Variants in SLC7A6OS observed in about 807,000 individuals in gnomAD.
SLC7A6OS encodes solute carrier family 7 member 6 opposite strand.
A neutral mutation model predicts 34.3 loss-of-function variants in SLC7A6OS; 22 were observed. That is an observed-to-expected ratio of 0.64 (90% CI 0.46 to 0.92). The LOEUF (loss-of-function observed/expected upper bound fraction) is 0.92, where lower values mean the gene tolerates loss of function less well. Ranked by LOEUF, SLC7A6OS falls within the 40% of genes least tolerant of loss-of-function variation. SLC7A6OS has a pLI of 0.00. For synonymous variants in SLC7A6OS, 199 were observed against 165.0 expected (o/e 1.21, Z -1.58); for missense variants, 434 against 407.7 (o/e 1.06, Z -0.56).
At chr16:68,302,945 TAA>T (rs1310753465) in intron 3 of SLC7A6OS, among the ~76,000 whole-genome samples, 1 of 152,146 alleles carries the variant, frequency 6.6e-6, no homozygotes, top group East Asian at 1.9e-4. Context: ...GGTGCCACCT[TAA>T]GTTTTCTTGT....
At chr16:68,303,930 A>G (rs1459598286) in intron 3 of SLC7A6OS, 96 bp downstream of exon 3, 6 of 1,111,756 alleles carry the variant, frequency 5.4e-6, no homozygotes, top group African/African-American at 1.5e-5. Flanking sequence ...ACTAAGGACA[A>G]TGTTGTTCGG....
chr16:68,307,316 G>A (rs2151241476), intron 2 of SLC7A6OS, among the ~76,000 whole-genome samples: 1 of 152,288 alleles, frequency 6.6e-6, no homozygotes, highest in Middle Eastern at 3.4e-3. Context: ...TAATATCATA[G>A]CTTAGCTTAG....
chr16:68,310,343 AG>A lies in SLC7A6OS; in HGVS notation c.462del (p.Ser155ProfsTer9). ...TTCAGGGGCATACTCACTTTGCAGG[AG>A]CCTGCAGAGGCGGCTTCAGGTTCTC... ...EEGEPEAASA[G>X]SCKTSDPDVI... On this transcript the variant is annotated frameshift_variant, in exon 2 of 5. Transcript: ENST00000263997. LOFTEE classifies it high-confidence loss of function. The A allele has an allele frequency of 6.2e-7, 1 of 1,602,710 alleles. No homozygotes were observed. Among genetic ancestry groups the A allele is most frequent in the Admixed American group, 1.7e-5 (1 of 59,528 alleles).
At chr16:68,302,597 T>A in intron 3 of SLC7A6OS, 96 bp from the exon 4 acceptor site, 1 of 1,484,944 alleles carries the variant, frequency 6.7e-7, no homozygotes, top group Non-Finnish European at 9.3e-7. Context: ...AGATATCATG[T>A]AAAAGTGCCC....
In SLC7A6OS at chr16:68,302,490, A is replaced by G. The variant is rs757067442; in HGVS notation, c.690T>C (p.Asp230=). The change falls in exon 4 of 5, where the codon GAT becomes GAC. Residue 230 remains aspartate, a synonymous_variant. Coordinates refer to ENST00000263997, the MANE Select transcript of SLC7A6OS (RefSeq NM_032178.3). ...CGTCGTAAATGTCCTCTGGTTCTTGATCATCATTCACCTACACATCTCAAC... is the reference window on the plus strand; with the variant it reads ...CGTCGTAAATGTCCTCTGGTTCTTGGTCATCATTCACCTACACATCTCAAC... The part of the protein sequence containing the change: ...YSQEWELVND[D]QEPEDIYDDE... 1.2e-6 allele frequency: 2 copies of G among 1,614,142 alleles called. No individual in the cohort carries two copies. The highest frequency in any genetic ancestry group is 8.5e-7 in the Non-Finnish European group (1 of 1,180,028).
At chr16:68,304,277 A>G (rs1473354175) in intron 2 of SLC7A6OS, 45 bp from the exon 3 acceptor site, 19 of 1,538,708 alleles carry the variant, frequency 1.2e-5, no homozygotes, top group Non-Finnish European at 1.7e-5. Context: ...GACCCAAAAC[A>G]TGATGTTCCA....
At chr16:68,306,038 G>C (rs151057444) in intron 2 of SLC7A6OS, among the ~76,000 whole-genome samples, 14 of 152,220 alleles carry the variant, frequency 9.2e-5, no homozygotes, top group Non-Finnish European at 1.8e-4. Context: ...CTGGGCAACA[G>C]AGCGAGACGC....
Position 68,303,658 on chromosome 16 carries a change from G to A in SLC7A6OS, c.678+368C>T, listed in dbSNP as rs139920166. On this transcript the variant is annotated intron_variant, in intron 3 of 4. Transcript: ENST00000263997. ...CGAGGTTTCTCTACTTCTAAGGTAC[G>A]AATTAAAAAATAGATTTTGTTGTCA... is the stretch of plus-strand genomic sequence containing the variant. 8.3e-5 allele frequency: 15 copies of A among 181,468 alleles called. No homozygotes were observed. In the East Asian group the frequency reaches 2.0e-3, roughly 25 times the overall value. The allele number at this position is 181,468 out of a possible 1,614,324, so 11.2% of individuals were successfully genotyped here.
In SLC7A6OS at chr16:68,301,296, G is replaced by A. The variant is rs747087917; in HGVS notation, c.909C>T (p.Pro303=). The A allele has an allele frequency of 2.5e-6, 4 of 1,614,016 alleles. No homozygotes were observed. Among genetic ancestry groups the A allele is most frequent in the Non-Finnish European group, 3.4e-6 (4 of 1,179,936 alleles). Residue 303 remains proline, a synonymous_variant, in exon 5 of 5, where the codon CCC becomes CCT. Transcript: ENST00000263997. ...ACCATCAGTCTGAATCCAGGTCGTG[G>A]GGGCTGTCATAGCCGAACTCCTTCT... is the stretch of plus-strand genomic sequence containing the variant. ...DVQKEFGYDS[P]HDLDSD is the part of the protein sequence containing the mutation.
At chr16:68,309,653 G>A (rs574703751) in intron 2 of SLC7A6OS, among the ~76,000 whole-genome samples, 102 of 152,304 alleles carry the variant, frequency 6.7e-4, no homozygotes, top group African/African-American at 2.4e-3. Flanking sequence ...GAGAAAACTT[G>A]CATTCTAGAC....
chr16:68,309,338 C>T (rs2043372428), intron 2 of SLC7A6OS, among the ~76,000 whole-genome samples: 1 of 152,062 alleles, frequency 6.6e-6, no homozygotes, highest in African/African-American at 2.4e-5. Context: ...CTGCCTCAGC[C>T]TCCCAAAGCG....
At position 68,301,220 on chromosome 16, in the gene SLC7A6OS, T is replaced by G. The variant is rs1191101764; in HGVS notation, c.*55A>C. 5.0e-5 allele frequency: 80 copies of G among 1,585,142 alleles called. No individual in the cohort carries two copies. Among genetic ancestry groups the G allele is most frequent in the Non-Finnish European group, 6.5e-5 (76 of 1,162,342 alleles). ...AGGATGTCAGCAGGGCAGTTAACTC[T>G]GGACTCAGAGCCCTCAAGGGCATGT... On this transcript the variant is annotated 3_prime_UTR_variant, in exon 5 of 5. Transcript: ENST00000263997.
intron 2 of SLC7A6OS, among the ~76,000 whole-genome samples, chr16:68,306,211 G>A (rs1296565923): frequency 6.6e-6 from 1 of 152,048 alleles, no homozygotes; most frequent in Non-Finnish European, 1.5e-5. Context: ...CCCATAATGA[G>A]CATAAATTAT....
chr16:68,307,061 G>A (rs192377716), intron 2 of SLC7A6OS, among the ~76,000 whole-genome samples: 5 of 152,044 alleles, frequency 3.3e-5, no homozygotes, highest in South Asian at 4.2e-4. Flanking sequence ...ATATATTTTC[G>A]CCCACAATCA....
In SLC7A6OS at chr16:68,298,239, C is replaced by CT. The variant is rs1380291455; in HGVS notation, c.*3035dup. 5.2e-5 allele frequency: 8 copies of CT among 152,478 alleles called. No homozygotes were observed. Among genetic ancestry groups the CT allele is most frequent in the African/African-American group, 1.9e-4 (8 of 41,420 alleles). The allele number at this position is 152,478 out of a possible 1,614,324, so 9.4% of individuals were successfully genotyped here. ...ATCTTTGTTCTAGCTGACAGTAAATCTCTGGGTTTCTGTTACGAACTCTAA... is the reference window on the plus strand; with the variant it reads ...ATCTTTGTTCTAGCTGACAGTAAATCTTCTGGGTTTCTGTTACGAACTCTAA... On this transcript the variant is annotated 3_prime_UTR_variant, in exon 5 of 5. Coordinates refer to ENST00000263997, the MANE Select transcript of SLC7A6OS (RefSeq NM_032178.3).
intron 3 of SLC7A6OS, chr16:68,303,787 T>C (rs2043305953): frequency 5.7e-6 from 3 of 526,440 alleles, no homozygotes; most frequent in Middle Eastern, 1.0e-3. Flanking sequence ...AAGGTGATGT[T>C]GCAAACCTTG....
At chr16:68,307,543 T>C (rs1202442841) in intron 2 of SLC7A6OS, among the ~76,000 whole-genome samples, 1 of 152,246 alleles carries the variant, frequency 6.6e-6, no homozygotes, top group African/African-American at 2.4e-5. Flanking sequence ...AAATTTTTAA[T>C]TTTAAAATTT....
intron 2 of SLC7A6OS, among the ~76,000 whole-genome samples, chr16:68,305,627 T>A (rs1011058497): frequency 1.3e-5 from 2 of 152,214 alleles, no homozygotes; most frequent in African/African-American, 4.8e-5. Context: ...ACTAAGGAAT[T>A]CTTCCTTGCT....
rs1485190404 is a variant in SLC7A6OS, at chr16:68,301,145, G to A, written c.*130C>T. On this transcript the variant is annotated 3_prime_UTR_variant, in exon 5 of 5. Transcript: ENST00000263997. ...TCACTGTGGTGGGATGGTGCCGCCC[G>A]ATATGCTTGATATGCTTTTCCTTCC... The A allele has an allele frequency of 2.1e-6, 3 of 1,453,964 alleles. No individual in the cohort carries two copies. The highest frequency in any genetic ancestry group is 2.7e-6 in the Non-Finnish European group (3 of 1,099,256). 90.1% of individuals were successfully genotyped at this position (1,453,964 alleles called of 1,614,324 possible).
Sources: allele counts gnomAD v4.1 joint callset (sites outside exome capture counted in the v4.1 genomes callset), GRCh38; gene constraint gnomAD v4.1.1; transcripts MANE v1.5; gene names NCBI Gene and HGNC (gene_info 2026-07-23, HGNC 2026-07-21).